RIC1: variants seen among roughly 807,000 people sequenced by gnomAD.
The protein encoded by RIC1 is guanine nucleotide exchange factor subunit RIC1.
Under a neutral mutation model 169.0 loss-of-function variants are expected in RIC1, and 88 were observed. The ratio of observed to expected loss-of-function variants is 0.52; its 90% CI spans 0.44 to 0.62. RIC1 has a LOEUF of 0.62. RIC1 is among the 20% of genes least tolerant of loss of function. The pLI is 0.00. For missense variants in RIC1, 1,877 were observed against 1,725.5 expected (o/e 1.09, Z -1.56); for synonymous variants, 790 against 601.5 (o/e 1.31, Z -4.59).
In RIC1 at chr9:5,656,436, A is replaced by G. The variant is rs12685784; in HGVS notation, c.145-147A>G. 0.011 allele frequency: 5,416 copies of G among 471,056 alleles called. 132 individuals carry two copies. The highest frequency in any genetic ancestry group is 0.085 in the East Asian group (2,720 of 31,832). 29.2% of individuals were successfully genotyped at this position (471,056 alleles called of 1,614,324 possible). On this transcript the variant is annotated intron_variant, in intron 1 of 25. Coordinates refer to ENST00000414202, the MANE Select transcript of RIC1 (RefSeq NM_020829.4). ...CTTTGTTTTGGTTGATATGCTTGCA[A>G]TGTTGAAAGCCGATAGTTTAATATC...
chr9:5,718,139 C>CCAAAAA (rs1823376126), intron 4 of RIC1, among the ~76,000 whole-genome samples: 1 of 28,082 alleles, frequency 3.6e-5, no homozygotes, highest in Admixed American at 6.3e-4. Flanking sequence ...GACTCCGTCT[C>CCAAAAA]AAAAAAAAAA....
intron 6 of RIC1, among the ~76,000 whole-genome samples, chr9:5,721,480 G>A (rs924875907): frequency 6.6e-6 from 1 of 152,194 alleles, no homozygotes; most frequent in African/African-American, 2.4e-5. Context: ...GAGCCCCAGG[G>A]TCCTACCCGC....
At chr9:5,777,507 CT>C (rs2131178466), downstream of RIC1, among the ~76,000 whole-genome samples, 1 of 151,936 alleles carries the variant, frequency 6.6e-6, no homozygotes, top group African/African-American at 2.4e-5. Flanking sequence ...AATCATTTCA[CT>C]TTCTCCATAA....
At chr9:5,772,866 A>T in intron 24 of RIC1, 26 bp from the exon 25 acceptor site, 1 of 1,600,092 alleles carries the variant, frequency 6.2e-7, no homozygotes, top group Non-Finnish European at 8.5e-7. Context: ...CTTAGCATAA[A>T]TCATTTTGTT....
At chr9:5,680,642 G>A (rs999817374) in intron 2 of RIC1, among the ~76,000 whole-genome samples, 2 of 151,990 alleles carry the variant, frequency 1.3e-5, no homozygotes, top group African/African-American at 2.4e-5. Context: ...GTGTAGAGGT[G>A]TTTATGGTAT....
At chr9:5,751,441 C>T (rs553005571) in intron 12 of RIC1, among the ~76,000 whole-genome samples, 3 of 151,840 alleles carry the variant, frequency 2.0e-5, no homozygotes, top group Non-Finnish European at 2.9e-5. Flanking sequence ...CTGCAACCTC[C>T]GCCTCCAGGG....
At chr9:5,710,450 C>T (rs1034114801) in intron 3 of RIC1, among the ~76,000 whole-genome samples, 2 of 152,148 alleles carry the variant, frequency 1.3e-5, no homozygotes, top group African/African-American at 4.8e-5. Flanking sequence ...AGAAATGGAA[C>T]CACTGAAGAA....
At chr9:5,651,684 C>T (rs550501338) in intron 1 of RIC1, among the ~76,000 whole-genome samples, 1 of 151,518 alleles carries the variant, frequency 6.6e-6, no homozygotes, top group East Asian at 1.9e-4. Flanking sequence ...CTGCCTCAGC[C>T]TCCCGAGTAG....
chr9:5,751,652 G>C (rs966028518), intron 12 of RIC1, among the ~76,000 whole-genome samples: 1 of 152,136 alleles, frequency 6.6e-6, no homozygotes, highest in Admixed American at 6.5e-5. Flanking sequence ...ACGGTGCCTG[G>C]CCCATAGTGA....
intron 1 of RIC1, among the ~76,000 whole-genome samples, chr9:5,639,172 C>G (rs1028350517): frequency 7.2e-5 from 11 of 152,158 alleles, no homozygotes; most frequent in Non-Finnish European, 1.5e-4. Context: ...TCCCAAAGTG[C>G]TAGGATTCAG....
At chr9:5,756,503 CA>C (rs1826026768) in intron 16 of RIC1, 131 bp downstream of exon 16, 1 of 495,122 alleles carries the variant, frequency 2.0e-6, no homozygotes, top group Non-Finnish European at 3.3e-6. Flanking sequence ...GTAAAAAAAG[CA>C]AGGAGTTTTA....
rs1435795147 is a variant in RIC1 at position 5,775,887 on chromosome 9, C to T, written c.*1641C>T. The stretch of plus-strand genomic sequence containing the variant: ...GCTATTTTTATTTAAGTCTTTGTTT[C>T]AAACCACCTTTCCCTGAATCTTAAA... On this transcript the variant is annotated 3_prime_UTR_variant, in exon 26 of 26. Coordinates refer to ENST00000414202, the MANE Select transcript of RIC1 (RefSeq NM_020829.4). The T allele has an allele frequency of 6.6e-6, 1 of 152,098 alleles. No homozygotes were observed. Among genetic ancestry groups the T allele is most frequent in the Non-Finnish European group, 1.5e-5 (1 of 68,000 alleles). 9.4% of individuals were successfully genotyped at this position (152,098 alleles called of 1,614,324 possible).
intron 1 of RIC1, among the ~76,000 whole-genome samples, chr9:5,648,319 C>G (rs561895053): frequency 2.6e-5 from 4 of 152,154 alleles, no homozygotes; most frequent in Admixed American, 6.6e-5. Context: ...TTTTTATTAT[C>G]TTGAGATAGT....
At chr9:5,736,496 T>A (rs549801019) in intron 7 of RIC1, among the ~76,000 whole-genome samples, 14 of 152,092 alleles carry the variant, frequency 9.2e-5, no homozygotes, top group African/African-American at 3.1e-4. Context: ...CAGCACAGGA[T>A]TGGGGAGATA....
At chr9:5,726,617 G>A (rs909512193) in intron 6 of RIC1, among the ~76,000 whole-genome samples, 7 of 152,170 alleles carry the variant, frequency 4.6e-5, no homozygotes, top group African/African-American at 1.7e-4. Context: ...TGGTTATTTT[G>A]CACATTAGTT....
chr9:5,755,246 T>G (rs557538682), intron 15 of RIC1, among the ~76,000 whole-genome samples: 1 of 152,302 alleles, frequency 6.6e-6, no homozygotes, highest in South Asian at 2.1e-4. Context: ...GAGATAGATT[T>G]ATTTAGTTAC....
intron 1 of RIC1, among the ~76,000 whole-genome samples, chr9:5,642,945 A>G (rs1367095352): frequency 1.3e-5 from 2 of 152,164 alleles, no homozygotes; most frequent in Admixed American, 6.5e-5. Flanking sequence ...TACTTTTACC[A>G]TAAATGGAAA....
chr9:5,630,517 C>G (rs1012971862), intron 1 of RIC1, among the ~76,000 whole-genome samples: 1 of 152,048 alleles, frequency 6.6e-6, no homozygotes, highest in Non-Finnish European at 1.5e-5. Context: ...CCTGTAATGC[C>G]CTTGACAGTC....
intron 6 of RIC1, among the ~76,000 whole-genome samples, chr9:5,726,239 G>C (rs1267537820): frequency 6.6e-6 from 1 of 152,172 alleles, no homozygotes; most frequent in Non-Finnish European, 1.5e-5. Context: ...GGGTGCTCCT[G>C]TATTGGGTGC....
Sources: gnomAD v4.1 joint callset for allele counts (sites outside exome capture counted in the v4.1 genomes callset) on GRCh38, gnomAD v4.1.1 for gene constraint, MANE v1.5 for transcripts, NCBI Gene and HGNC (gene_info 2026-07-23, HGNC 2026-07-21) for gene names.